Variants in OVOL2 observed in about 807,000 individuals in gnomAD.
OVOL2 encodes the protein ovo like zinc finger 2.
Under a neutral mutation model 18.1 loss-of-function variants are expected in OVOL2, and 13 were observed. The observed-to-expected ratio is 0.72, with a 90% CI of 0.47 to 1.14. The LOEUF (loss-of-function observed/expected upper bound fraction) is 1.14. Ranked by LOEUF, OVOL2 falls within the 50% of genes most tolerant of loss-of-function variation. The probability of loss-of-function intolerance (pLI) is 0.00; values close to 1 mark genes in which losing one functional copy is unlikely to be tolerated. For synonymous variants in OVOL2, 166 were observed against 162.7 expected (o/e 1.02, Z -0.16); for missense variants, 335 against 383.0 (o/e 0.87, Z 1.05).
chr20:18,054,416 C>T (rs981456990), intron 2 of OVOL2, among the ~76,000 whole-genome samples: 6 of 152,154 alleles, frequency 3.9e-5, no homozygotes, highest in Non-Finnish European at 8.8e-5. Context: ...TCAAACCTGC[C>T]CTTCTTGTGG....
At chr20:18,045,445 A>G (rs2036716602) in intron 2 of OVOL2, among the ~76,000 whole-genome samples, 1 of 152,202 alleles carries the variant, frequency 6.6e-6, no homozygotes, top group Non-Finnish European at 1.5e-5. Flanking sequence ...ACAAATTCCT[A>G]TTTTTAAAAT....
intron 2 of OVOL2, among the ~76,000 whole-genome samples, chr20:18,047,919 T>G (rs1266960148): frequency 6.7e-6 from 1 of 148,880 alleles, no homozygotes; most frequent in Non-Finnish European, 1.5e-5. Context: ...ATTAACCTGG[T>G]GCTTTGTAAG....
At chr20:18,036,455 C>A (rs538954840) in intron 3 of OVOL2, among the ~76,000 whole-genome samples, 2 of 152,284 alleles carry the variant, frequency 1.3e-5, no homozygotes, top group South Asian at 4.1e-4. Context: ...CCGGACCAGC[C>A]AGCACACCTC....
chr20:18,038,926 C>G (rs1467474737), intron 3 of OVOL2, among the ~76,000 whole-genome samples: 1 of 152,144 alleles, frequency 6.6e-6, no homozygotes, highest in Non-Finnish European at 1.5e-5. Flanking sequence ...CCCTACTGCC[C>G]TATGGATCCT....
intron 3 of OVOL2, among the ~76,000 whole-genome samples, chr20:18,034,482 C>T (rs951231752): frequency 9.2e-5 from 14 of 152,156 alleles, no homozygotes; most frequent in Admixed American, 5.2e-4. Context: ...TGATGGGAAG[C>T]CGCTTCCAAA....
Position 18,047,711 on chromosome 20 carries a change from A to G in OVOL2, c.322-5988T>C, listed in dbSNP as rs192401993. ...TCTATTAAAAATACAAAAATTAGCC[A>G]GGCATGGTGGTAGGTGCCTATAATC... On this transcript the variant is annotated intron_variant, in intron 2 of 3. Coordinates refer to ENST00000278780, the MANE Select transcript of OVOL2 (RefSeq NM_021220.4). Among the ~76,000 whole-genome samples, 449 of 149,154 alleles carry G rather than the reference A, an allele frequency of 3.0e-3. 3 individuals carry two copies. Among genetic ancestry groups the G allele is most frequent in the African/African-American group, 0.011 (431 of 40,540 alleles).
chr20:18,039,642 A>T (rs1175159896), intron 3 of OVOL2, among the ~76,000 whole-genome samples: 2 of 151,392 alleles, frequency 1.3e-5, no homozygotes, highest in Non-Finnish European at 2.9e-5. Context: ...AAAGAAAGAA[A>T]AGAAAAAGTT....
intron 2 of OVOL2, among the ~76,000 whole-genome samples, chr20:18,055,319 C>G (rs1185305409): frequency 6.6e-6 from 1 of 152,168 alleles, no homozygotes; most frequent in East Asian, 1.9e-4. Context: ...TTGCAATTGT[C>G]CTTCCAGCCT....
At chr20:18,047,985 G>A (rs1386405079) in intron 2 of OVOL2, among the ~76,000 whole-genome samples, 1 of 151,778 alleles carries the variant, frequency 6.6e-6, no homozygotes, top group Non-Finnish European at 1.5e-5. Flanking sequence ...AAAGGTAATT[G>A]GTCAAAATTT....
intron 2 of OVOL2, among the ~76,000 whole-genome samples, chr20:18,044,151 G>A (rs1042138120): frequency 6.6e-6 from 1 of 152,150 alleles, no homozygotes; most frequent in African/African-American, 2.4e-5. Flanking sequence ...CTGGGGTCTT[G>A]TTAAAATGCA....
rs1484484907 is a variant in OVOL2 at position 18,024,665 on chromosome 20, T to C, written c.799A>G (p.Ser267Gly). Residue 267 changes from serine to glycine, a missense_variant, in exon 4 of 4, where the codon AGC becomes GGC. Physicochemically the swap from Ser to Gly is moderately conservative, Grantham distance 56 (BLOSUM62 0). Coordinates refer to ENST00000278780, the MANE Select transcript of OVOL2 (RefSeq NM_021220.4). ...TTCCTCTCCTCCTCCTCACTCAGGC[T>C]GGTATTCTCCTGGTGTGCGGATGTC... ...KLTSAHQENT[S>G]LSEEEERK 2 of 1,612,348 alleles carry C rather than the reference T, an allele frequency of 1.2e-6. No homozygotes were observed. The highest frequency in any genetic ancestry group is 2.2e-5 in the East Asian group (1 of 44,842).
intron 2 of OVOL2, among the ~76,000 whole-genome samples, chr20:18,054,783 G>GA (rs796465834): frequency 0.068 from 7,568 of 110,984 alleles, 544 homozygotes; most frequent in African/African-American, 0.19. Flanking sequence ...AAAAAAAAAA[G>GA]AAAGAAAAGA....
chr20:18,057,006 G>A lies in OVOL2; in HGVS notation c.101-129C>T. ...CTGGGCACCTCGCCAAGTGGGCAAC[G>A]TCGCGGGGGAGGCCAGTAAGCCCCG... On this transcript the variant is annotated intron_variant, in intron 1 of 3. Coordinates refer to ENST00000278780, the MANE Select transcript of OVOL2 (RefSeq NM_021220.4). This position sits in a 1 kb window ranked among gnomAD's most constrained non-coding sequence, Gnocchi z 6.3. 1.8e-6 allele frequency: 2 copies of A among 1,092,846 alleles called. No individual in the cohort carries two copies. Among genetic ancestry groups the A allele is most frequent in the Non-Finnish European group, 2.4e-6 (2 of 822,374 alleles). The allele number at this position is 1,092,846 out of a possible 1,614,324, so 67.7% of individuals were successfully genotyped here. A position where few individuals can be genotyped will look rare whatever the true frequency, so the allele number is the denominator to read the frequency against.
intron 3 of OVOL2, among the ~76,000 whole-genome samples, chr20:18,031,815 TG>T (rs1212732059): frequency 6.6e-6 from 1 of 152,212 alleles, no homozygotes; most frequent in Non-Finnish European, 1.5e-5. Flanking sequence ...TATTGTTTAT[TG>T]GGTTATCAAA....
At chr20:18,047,372 G>A (rs2036732119) in intron 2 of OVOL2, among the ~76,000 whole-genome samples, 2 of 149,602 alleles carry the variant, frequency 1.3e-5, no homozygotes, top group Non-Finnish European at 3.0e-5. Flanking sequence ...AATTAGCCGC[G>A]CATGGTGGCT....
chr20:18,037,730 C>T (rs1289301945), intron 3 of OVOL2, among the ~76,000 whole-genome samples: 1 of 152,152 alleles, frequency 6.6e-6, no homozygotes, highest in Non-Finnish European at 1.5e-5. Context: ...GATTGAGCAA[C>T]CTGGGGTGCA....
At chr20:18,043,641 C>G (rs1300253130) in intron 2 of OVOL2, among the ~76,000 whole-genome samples, 1 of 152,148 alleles carries the variant, frequency 6.6e-6, no homozygotes, top group African/African-American at 2.4e-5. Flanking sequence ...TCTTGACCCA[C>G]GAAATCATAA....
At chr20:18,037,583 G>C (rs1028160739) in intron 3 of OVOL2, among the ~76,000 whole-genome samples, 1 of 152,200 alleles carries the variant, frequency 6.6e-6, no homozygotes, top group South Asian at 2.1e-4. Flanking sequence ...AGATCGCCAG[G>C]CATCTCAGAT....
At chr20:18,043,223 G>A (rs2036691327) in intron 2 of OVOL2, among the ~76,000 whole-genome samples, 1 of 152,134 alleles carries the variant, frequency 6.6e-6, no homozygotes, top group Admixed American at 6.6e-5. Context: ...CCCAAAGAGA[G>A]CCACACTCAA....
Sources: gnomAD v4.1 joint callset for allele counts (sites outside exome capture counted in the v4.1 genomes callset) on GRCh38, gnomAD v4.1.1 for gene constraint, Gnocchi (gnomAD v3.1) non-coding constraint, MANE v1.5 for transcripts, NCBI Gene and HGNC (gene_info 2026-07-23, HGNC 2026-07-21) for gene names.